PDE10A: variants seen among roughly 807,000 people sequenced by gnomAD.
PDE10A encodes cAMP and cAMP-inhibited cGMP 3',5'-cyclic phosphodiesterase 10A.
In PDE10A, 39 loss-of-function variants were observed where a neutral mutation model predicts 97.7. The observed-to-expected ratio is 0.40, with a 90% CI of 0.31 to 0.52. PDE10A has a LOEUF of 0.52. PDE10A is among the 20% of genes least tolerant of loss of function. The pLI, the probability that PDE10A is intolerant of heterozygous loss-of-function variation, is 0.56. For synonymous variants in PDE10A, 371 were observed against 376.8 expected, an observed-to-expected ratio of 0.98 and a Z score of 0.18; for missense variants, 731 against 1,047.8, an observed-to-expected ratio of 0.70 and a Z score of 4.17.
intron 2 of PDE10A, among the ~76,000 whole-genome samples, chr6:165,504,293 T>C (rs1474155842): frequency 6.6e-6 from 1 of 152,184 alleles, no homozygotes; most frequent in African/African-American, 2.4e-5. Flanking sequence ...GATCTTTTTA[T>C]TAAAACTATA....
chr6:165,617,559 G>A (rs908390877), intron 1 of PDE10A, among the ~76,000 whole-genome samples: 4 of 152,092 alleles, frequency 2.6e-5, no homozygotes, highest in African/African-American at 9.7e-5. Flanking sequence ...AAGTGGGGGA[G>A]GTGGGAGTAA....
intron 4 of PDE10A, among the ~76,000 whole-genome samples, chr6:165,449,327 G>C (rs1791110277): frequency 6.6e-6 from 1 of 152,104 alleles, no homozygotes; most frequent in African/African-American, 2.4e-5. Context: ...AATACCACAA[G>C]TGATATTTAT....
intron 1 of PDE10A, among the ~76,000 whole-genome samples, chr6:165,740,499 A>AT (rs978496847): frequency 6.6e-6 from 1 of 151,930 alleles, no homozygotes; most frequent in African/African-American, 2.4e-5. Flanking sequence ...TGCTCGGCTA[A>AT]TTTTTTTGTA....
intron 1 of PDE10A, among the ~76,000 whole-genome samples, chr6:165,639,068 G>A (rs1000831846): frequency 6.6e-6 from 1 of 150,546 alleles, no homozygotes; most frequent in Admixed American, 6.7e-5. Context: ...GGGAGACAGA[G>A]AGAGAGAGAG....
intron 1 of PDE10A, among the ~76,000 whole-genome samples, chr6:165,913,871 T>C (rs1782533240): frequency 6.6e-6 from 1 of 152,232 alleles, no homozygotes; most frequent in Admixed American, 6.5e-5. Context: ...CCAGCAAATC[T>C]ATGGTTCTTG....
At chr6:165,518,726 GA>G (rs1390753475) in intron 2 of PDE10A, among the ~76,000 whole-genome samples, 10 of 152,268 alleles carry the variant, frequency 6.6e-5, no homozygotes, top group African/African-American at 1.9e-4. Context: ...TCAGCAGTAA[GA>G]ACAAATTTTC....
At chr6:165,360,018 T>C (rs917751810) in intron 18 of PDE10A, among the ~76,000 whole-genome samples, 2 of 152,160 alleles carry the variant, frequency 1.3e-5, no homozygotes, top group African/African-American at 4.8e-5. Context: ...ATCTCCCCAA[T>C]CCTGTGGAAG....
At chr6:165,878,484 G>A (rs891932518) in intron 1 of PDE10A, among the ~76,000 whole-genome samples, 7 of 152,198 alleles carry the variant, frequency 4.6e-5, no homozygotes, top group Admixed American at 3.9e-4. Flanking sequence ...CACTTAAAGT[G>A]ATGTTCCTAA....
chr6:165,890,082 TCCTCACTCCTC>T (rs1562784452), intron 1 of PDE10A, among the ~76,000 whole-genome samples: 2 of 115,752 alleles, frequency 1.7e-5, no homozygotes, highest in African/African-American at 3.3e-5. Flanking sequence ...CCTCACTCAC[TCCTCACTCCTC>T]CCTCACTCCT....
rs556992974 is a variant in PDE10A at position 165,358,377 on chromosome 6, T to C, written c.2784-14875A>G. 2.0e-5 allele frequency among the ~76,000 whole-genome samples: 3 copies of C among 152,266 alleles called. No homozygotes were observed. In the South Asian group the frequency reaches 6.2e-4, roughly 32 times the overall value. Reference sequence around the variant, plus strand: ...TTCGTTTGTTTTTGAAGCTTTGTTATTAGGTGCATGTACATTCTGCATTTA... The same window carrying C: ...TTCGTTTGTTTTTGAAGCTTTGTTACTAGGTGCATGTACATTCTGCATTTA... On this transcript the variant is annotated intron_variant, in intron 18 of 21. Transcript: ENST00000539869.
chr6:165,475,946 T>C (rs543771280), intron 3 of PDE10A, among the ~76,000 whole-genome samples: 14 of 152,310 alleles, frequency 9.2e-5, no homozygotes, highest in Middle Eastern at 3.4e-3. Context: ...TCTAGTTTCC[T>C]CGGGGTTCCC....
chr6:165,641,795 T>A (rs577016604), intron 1 of PDE10A, among the ~76,000 whole-genome samples: 2 of 152,194 alleles, frequency 1.3e-5, no homozygotes, highest in East Asian at 3.8e-4. Flanking sequence ...CGGACTGTTA[T>A]GAGAACCAAG....
chr6:165,823,482 TTATATATATATATATA>T (rs748139541), intron 1 of PDE10A, among the ~76,000 whole-genome samples: 740 of 37,480 alleles, frequency 0.02, 34 homozygotes, highest in African/African-American at 0.048. Context: ...ATAGTTAACT[TTATATATATATATATA>T]TATATATATA....
intron 1 of PDE10A, among the ~76,000 whole-genome samples, chr6:165,685,254 C>T (rs1002688401): frequency 4.6e-5 from 7 of 152,040 alleles, no homozygotes; most frequent in Non-Finnish European, 8.8e-5. Flanking sequence ...TCATGGGTGC[C>T]TATTAACATA....
Position 165,328,162 on chromosome 6 carries a change from C to T in PDE10A, c.*4863G>A, listed in dbSNP as rs1412489131. On this transcript the variant is annotated 3_prime_UTR_variant, in exon 22 of 22. Transcript: ENST00000539869. ...ACTCTGAACTTGCACACGAAATGAA[C>T]ACATAGCATATACACCATACAACAG... The T allele has an allele frequency of 6.6e-6, 1 of 152,138 alleles. No individual in the cohort carries two copies. The highest frequency in any genetic ancestry group is 1.5e-5 in the Non-Finnish European group (1 of 68,038). The allele number at this position is 152,138 out of a possible 1,614,324, so 9.4% of individuals were successfully genotyped here. A position where few individuals can be genotyped will look rare whatever the true frequency, so the allele number is the denominator to read the frequency against.
chr6:165,643,212 T>C (rs1363224685), intron 1 of PDE10A, among the ~76,000 whole-genome samples: 1 of 151,440 alleles, frequency 6.6e-6, no homozygotes, highest in East Asian at 1.9e-4. Flanking sequence ...GGTGGGTGGA[T>C]GGATAGATAG....
chr6:165,981,884 C>A (rs1785031169), intron 1 of PDE10A, among the ~76,000 whole-genome samples: 1 of 152,126 alleles, frequency 6.6e-6, no homozygotes, highest in Non-Finnish European at 1.5e-5. Flanking sequence ...CTGAGCAATT[C>A]TATTAGAAAC....
chr6:165,629,267 A>G (rs1788522201), intron 1 of PDE10A, among the ~76,000 whole-genome samples: 1 of 152,168 alleles, frequency 6.6e-6, no homozygotes, highest in South Asian at 2.1e-4. Flanking sequence ...TTCTTCTTAG[A>G]TATCCCAGTG....
chr6:165,818,193 C>T (rs576542700), intron 1 of PDE10A, among the ~76,000 whole-genome samples: 10 of 152,204 alleles, frequency 6.6e-5, no homozygotes, highest in Non-Finnish European at 1.3e-4. Context: ...ACGCACCCAT[C>T]TTCATCCCAT....
Sources: allele counts gnomAD v4.1 joint callset (sites outside exome capture counted in the v4.1 genomes callset), GRCh38; gene constraint gnomAD v4.1.1; transcripts MANE v1.5; gene names NCBI Gene and HGNC (gene_info 2026-07-23, HGNC 2026-07-21).